Variants in ACSL1 observed in about 807,000 individuals in gnomAD.
ACSL1 encodes long-chain-fatty-acid--CoA ligase 1.
A neutral mutation model predicts 98.4 loss-of-function variants in ACSL1; 41 were observed. That is an observed-to-expected ratio of 0.42 (90% confidence interval 0.32 to 0.54). The LOEUF (loss-of-function observed/expected upper bound fraction) is 0.54, where lower values mean the gene tolerates loss of function less well. ACSL1 is among the 20% of genes least tolerant of loss of function. The pLI is 0.13. For missense variants in ACSL1, 734 were observed against 883.1 expected (o/e 0.83, Z 2.14); for synonymous variants, 316 against 322.7 (o/e 0.98, Z 0.22).
At chr4:184,774,311 C>G (rs1764958013) in intron 7 of ACSL1, among the ~76,000 whole-genome samples, 1 of 152,202 alleles carries the variant, frequency 6.6e-6, no homozygotes, top group Non-Finnish European at 1.5e-5. Flanking sequence ...CCCCCACATT[C>G]TGCACAACTG....
chr4:184,786,840 T>C (rs1160886160), intron 3 of ACSL1, among the ~76,000 whole-genome samples: 1 of 152,042 alleles, frequency 6.6e-6, no homozygotes, highest in Admixed American at 6.6e-5. Flanking sequence ...GTTACAGACA[T>C]GCACCACCAT....
intron 1 of ACSL1, among the ~76,000 whole-genome samples, chr4:184,820,494 T>G (rs1427357015): frequency 6.6e-6 from 1 of 152,194 alleles, no homozygotes; most frequent in Non-Finnish European, 1.5e-5. Context: ...TATAAAGAGA[T>G]AATTCAAGGC....
chr4:184,810,828 G>A (rs1771985775), intron 1 of ACSL1, among the ~76,000 whole-genome samples: 1 of 152,194 alleles, frequency 6.6e-6, no homozygotes, highest in Admixed American at 6.5e-5. Flanking sequence ...CCGTGTGTCA[G>A]GTGCTGTGCT....
At position 184,780,368 on chromosome 4, in the gene ACSL1, A is replaced by T. The variant is rs1766040860; in HGVS notation, c.441T>A (p.Asp147Glu). Residue 147 changes from aspartate (D) to glutamate (E), a missense_variant, in exon 5 of 21, where the codon GAT becomes GAA. Physicochemically the swap from Asp to Glu is conservative, Grantham distance 45. Coordinates refer to ENST00000281455, the MANE Select transcript of ACSL1 (RefSeq NM_001995.5). ...LIQKGFKTAPDQFIGIFAQNR... is the reference protein window; with the variant it reads ...LIQKGFKTAPEQFIGIFAQNR... ...TTTGAGCAAAGATGCCAATGAACTG[A>T]TCTGGGGCAGTCTTGAAGCCCTTCT... 1 of 1,613,914 alleles carries T rather than the reference A, an allele frequency of 6.2e-7. No individual in the cohort carries two copies.
At chr4:184,759,429 A>C (rs1762571062) in intron 18 of ACSL1, among the ~76,000 whole-genome samples, 1 of 152,214 alleles carries the variant, frequency 6.6e-6, no homozygotes, top group Non-Finnish European at 1.5e-5. Flanking sequence ...AATTTTTGCA[A>C]CCTACTCATC....
chr4:184,808,240 T>TACACAC lies in ACSL1; in HGVS notation c.-32-4700_-32-4695dup, dbSNP rs144996842. On this transcript the variant is annotated intron_variant, in intron 1 of 20. Transcript: ENST00000281455. The stretch of plus-strand genomic sequence containing the variant: ...TCTTGAAGATACACATACACAAACA[T>TACACAC]ACACACACACACACACACACTGCCC... 25 of 811,962 alleles carry TACACAC rather than the reference T, an allele frequency of 3.1e-5. No individual in the cohort carries two copies. The African/African-American group carries it at 3.7e-4, about 12-fold the overall frequency. The allele number at this position is 811,962 out of a possible 1,614,324, so 50.3% of individuals were successfully genotyped here. A position where few individuals can be genotyped will look rare whatever the true frequency, so the allele number is the denominator to read the frequency against.
Position 184,766,126 on chromosome 4 carries a change from G to T in ACSL1, c.1264-140C>A. On this transcript the variant is annotated intron_variant, in intron 13 of 20. Coordinates refer to ENST00000281455, the MANE Select transcript of ACSL1 (RefSeq NM_001995.5). The surrounding 1 kb of genome is among the most constrained non-coding windows in gnomAD (Gnocchi z 4.8). ...ACGGAGGCCACACGGAGAACTCACA[G>T]CCCTCATGATGGCAGCACAGGGCTA... The T allele has an allele frequency of 1.4e-6, 1 of 727,700 alleles. No individual in the cohort carries two copies. The highest frequency in any genetic ancestry group is 2.3e-6 in the Non-Finnish European group (1 of 434,822). The allele number at this position is 727,700 out of a possible 1,614,324, so 45.1% of individuals were successfully genotyped here. A position where few individuals can be genotyped will look rare whatever the true frequency, so the allele number is the denominator to read the frequency against.
intron 10 of ACSL1, among the ~76,000 whole-genome samples, chr4:184,771,689 G>C (rs1764535728): frequency 6.6e-6 from 1 of 152,198 alleles, no homozygotes. Flanking sequence ...AGCAGCTGCT[G>C]TCATACCAAC....
chr4:184,765,964 C>T lies in ACSL1; in HGVS notation c.1286G>A (p.Arg429Gln), dbSNP rs759821844. Residue 429 changes from arginine to glutamine, a missense_variant, in exon 14 of 21, where the codon CGG (arginine) becomes CAG (glutamine). Physicochemically the swap from Arg to Gln is conservative, Grantham distance 43. Coordinates refer to ENST00000281455, the MANE Select transcript of ACSL1 (RefSeq NM_001995.5). ...CGGGGCGGCTCCTGTCACCATCAGC[C>T]GGACTCTTCCGCCCAGGCTCGACTT... ...KVQSSLGGRV[R>Q]LMVTGAAPVS... is the part of the protein sequence containing the mutation. 6 of 1,613,760 alleles carry T rather than the reference C, an allele frequency of 3.7e-6. No homozygotes were observed. Among genetic ancestry groups the T allele is most frequent in the Admixed American group, 1.7e-5 (1 of 59,998 alleles).
chr4:184,770,174 T>G, intron 11 of ACSL1: 2 of 1,267,498 alleles, frequency 1.6e-6, no homozygotes, highest in South Asian at 1.4e-5. Context: ...TTTATATTCT[T>G]TCAAATAATC....
chr4:184,759,885 TG>T (rs1299054168), intron 18 of ACSL1, among the ~76,000 whole-genome samples: 1 of 152,226 alleles, frequency 6.6e-6, no homozygotes, highest in African/African-American at 2.4e-5. Flanking sequence ...TCCAACATTT[TG>T]GCAAATACCA....
At chr4:184,802,549 T>C (rs1042451197) in intron 2 of ACSL1, among the ~76,000 whole-genome samples, 1 of 150,734 alleles carries the variant, frequency 6.6e-6, no homozygotes, top group Non-Finnish European at 1.5e-5. Context: ...GAAGCACCAG[T>C]GAGCATGCGG....
chr4:184,809,827 C>T (rs1179272134), intron 1 of ACSL1, among the ~76,000 whole-genome samples: 3 of 151,994 alleles, frequency 2.0e-5, no homozygotes, highest in Non-Finnish European at 4.4e-5. Flanking sequence ...AACAAATAAA[C>T]CACATTTCAT....
At position 184,801,572 on chromosome 4, in the gene ACSL1, T is replaced by C. The variant is rs12648552; in HGVS notation, c.195+1748A>G. Among the ~76,000 whole-genome samples, 468 of 152,348 alleles carry C rather than the reference T, an allele frequency of 3.1e-3. 2 individuals are homozygous for C. In the East Asian group the frequency reaches 0.053, roughly 17 times the overall value. On this transcript the variant is annotated intron_variant, in intron 2 of 20. Coordinates refer to ENST00000281455, the MANE Select transcript of ACSL1 (RefSeq NM_001995.5). ...GATGCTAGCTATATCAAAGCATCTG[T>C]AATTATTAAGCACCAGAATTCCAGA...
intron 2 of ACSL1, among the ~76,000 whole-genome samples, chr4:184,801,776 A>T (rs942870748): frequency 6.6e-6 from 1 of 152,228 alleles, no homozygotes; most frequent in Admixed American, 6.5e-5. Context: ...CTTGCTGCAT[A>T]TCTCAAGTTT....
rs575037653 is a variant in ACSL1, at chr4:184,766,764, G to A, written c.1129-8C>T. 2 of 1,607,498 alleles carry A rather than the reference G, an allele frequency of 1.2e-6. No individual in the cohort carries two copies. The highest frequency in any genetic ancestry group is 1.3e-5 in the African/African-American group (1 of 74,846). ...GTTTGCTTGTCCGAAAATCTAATGAGGCAAGACATGAGAAAGTTTTCACAC... is the reference window on the plus strand; with the variant it reads ...GTTTGCTTGTCCGAAAATCTAATGAAGCAAGACATGAGAAAGTTTTCACAC... On this transcript the variant is annotated splice_region_variant and splice_polypyrimidine_tract_variant and intron_variant, in intron 12 of 20. Transcript: ENST00000281455. This position sits in a 1 kb window ranked among gnomAD's most constrained non-coding sequence, Gnocchi z 4.8.
At chr4:184,780,470 GC>G in intron 4 of ACSL1, 37 bp from the exon 5 acceptor site, 1 of 1,514,364 alleles carries the variant, frequency 6.6e-7, no homozygotes. Context: ...GCAGCATTGG[GC>G]CCCAACTCCA....
chr4:184,806,224 T>C (rs1450561430), intron 1 of ACSL1, among the ~76,000 whole-genome samples: 1 of 152,168 alleles, frequency 6.6e-6, no homozygotes, highest in Non-Finnish European at 1.5e-5. Flanking sequence ...GAGGAAGGGA[T>C]GTACACCAGG....
chr4:184,767,265 G>C (rs1192299868), intron 12 of ACSL1, among the ~76,000 whole-genome samples: 1 of 139,208 alleles, frequency 7.2e-6, no homozygotes, highest in African/African-American at 2.7e-5. Flanking sequence ...CTGGATGACA[G>C]AGAGAGAGAC....
Sources: gnomAD v4.1 joint callset for allele counts (sites outside exome capture counted in the v4.1 genomes callset) on GRCh38, gnomAD v4.1.1 for gene constraint, Gnocchi (gnomAD v3.1) non-coding constraint, MANE v1.5 for transcripts, NCBI Gene and HGNC (gene_info 2026-07-23, HGNC 2026-07-21) for gene names.